PTP4A1: variants seen among roughly 807,000 people sequenced by gnomAD.
The protein encoded by PTP4A1 is protein tyrosine phosphatase type IVA 1.
Under a neutral mutation model 20.5 loss-of-function variants are expected in PTP4A1, and 9 were observed. The observed-to-expected ratio is 0.44, with a 90% CI of 0.26 to 0.77. The LOEUF (loss-of-function observed/expected upper bound fraction) is 0.77, where lower values mean the gene tolerates loss of function less well. Among genes scored for constraint, PTP4A1 ranks in the 30% least tolerant of loss-of-function variants. PTP4A1 has a pLI of 0.19. For synonymous variants in PTP4A1, 78 were observed against 67.4 expected (o/e 1.16, Z -0.77); for missense variants, 137 against 218.8 (o/e 0.63, Z 2.36).
At chr6:63,555,390 A>G (rs1776635498) in intron 3 of PTP4A1, among the ~76,000 whole-genome samples, 1 of 152,216 alleles carries the variant, frequency 6.6e-6, no homozygotes, top group African/African-American at 2.4e-5. Context: ...GACTAATAGG[A>G]AGGAAAATCC....
At chr6:63,568,790 ATAAACT>A (rs923662948), upstream of PTP4A1, among the ~76,000 whole-genome samples, 1 of 152,244 alleles carries the variant, frequency 6.6e-6, no homozygotes, top group African/African-American at 2.4e-5. Context: ...CAAGAGGGAA[ATAAACT>A]TTAACAATGC....
In PTP4A1 at chr6:63,576,814, A is replaced by G; in HGVS notation, c.-67A>G. The stretch of plus-strand genomic sequence containing the variant: ...TTGAAGTAGACTTCAGTTTCTTTGC[A>G]TCATTTCTGTATTCAATTTTTTTAA... On this transcript the variant is annotated 5_prime_UTR_variant, in exon 2 of 6. Coordinates refer to ENST00000626021, the MANE Select transcript of PTP4A1 (RefSeq NM_003463.5). 3 of 1,311,710 alleles carry G rather than the reference A, an allele frequency of 2.3e-6. No homozygotes were observed. Among genetic ancestry groups the G allele is most frequent in the African/African-American group, 1.5e-5 (1 of 67,262 alleles). The allele number at this position is 1,311,710 out of a possible 1,614,324, so 81.3% of individuals were successfully genotyped here.
intron 1 of PTP4A1, among the ~76,000 whole-genome samples, chr6:63,524,417 T>A (rs1775073184): frequency 6.6e-6 from 1 of 152,190 alleles, no homozygotes; most frequent in African/African-American, 2.4e-5. Context: ...GCAGATGAAT[T>A]TCTTCTAAGA....
chr6:63,550,383 C>T (rs1776383927), exon 3 of PTP4A1: 2 of 152,148 alleles, frequency 1.3e-5, no homozygotes, highest in Middle Eastern at 3.4e-3. Flanking sequence ...GAGGGTGAAG[C>T]TACAAAGGTT....
Position 63,580,465 on chromosome 6 carries a change from A to T in PTP4A1, c.*291A>T, listed in dbSNP as rs1778157244. The stretch of plus-strand genomic sequence containing the variant: ...ATGCAGTATTGAGTTATGACTTGTT[A>T]AATCTATTCCCATGCCAGAATCTTA... On this transcript the variant is annotated 3_prime_UTR_variant, in exon 6 of 6. Transcript: ENST00000626021. 1.1e-5 allele frequency: 3 copies of T among 265,212 alleles called. No homozygotes were observed. Among genetic ancestry groups the T allele is most frequent in the Non-Finnish European group, 2.2e-5 (3 of 136,906 alleles). 16.4% of individuals were successfully genotyped at this position (265,212 alleles called of 1,614,324 possible). A position where few individuals can be genotyped will look rare whatever the true frequency, so the allele number is the denominator to read the frequency against.
intron 2 of PTP4A1, among the ~76,000 whole-genome samples, chr6:63,577,722 A>C (rs1201455605): frequency 6.6e-6 from 1 of 151,968 alleles, no homozygotes; most frequent in Non-Finnish European, 1.5e-5. Flanking sequence ...TTGCCCAGCT[A>C]ATTTTTGTAT....
At position 63,572,962 on chromosome 6, in the gene PTP4A1, G is replaced by C. The variant is rs372582321; in HGVS notation, c.-446+243G>C. 7.2e-5 allele frequency among the ~76,000 whole-genome samples: 11 copies of C among 152,226 alleles called. No individual in the cohort carries two copies. The East Asian group carries it at 1.6e-3, about 22-fold the overall frequency. On this transcript the variant is annotated intron_variant, in intron 1 of 5. Coordinates refer to ENST00000626021, the MANE Select transcript of PTP4A1 (RefSeq NM_003463.5). Reference sequence around the variant, plus strand: ...GTGGCGGTTGGCCGCCGGAGGCACCGGCTTTTGAGTCCCTCCCGAGCCCGG... The same window carrying C: ...GTGGCGGTTGGCCGCCGGAGGCACCCGCTTTTGAGTCCCTCCCGAGCCCGG...
At chr6:63,525,214 T>A (rs1378216333) in intron 1 of PTP4A1, among the ~76,000 whole-genome samples, 2 of 152,162 alleles carry the variant, frequency 1.3e-5, no homozygotes, top group African/African-American at 4.8e-5. Context: ...TCCTGGTGAA[T>A]TGTGTGTCTG....
chr6:63,554,810 G>A (rs1406335850), intron 3 of PTP4A1, among the ~76,000 whole-genome samples: 1 of 152,040 alleles, frequency 6.6e-6, no homozygotes, highest in Non-Finnish European at 1.5e-5. Context: ...AATTTATCAA[G>A]CTGTATTGTC....
At chr6:63,542,023 G>GTGTT (rs1776000241) in intron 2 of PTP4A1, among the ~76,000 whole-genome samples, 1 of 414 alleles carries the variant, frequency 2.4e-3, no homozygotes, top group South Asian at 0.028. Flanking sequence ...AGAAACTGTG[G>GTGTT]TGTGTGTGTG....
Position 63,572,826 on chromosome 6 carries a change from G to C in PTP4A1, c.-446+107G>C, listed in dbSNP as rs1044353525. 76 of 395,936 alleles carry C rather than the reference G, an allele frequency of 1.9e-4. 1 individual carries two copies. The East Asian group carries it at 2.6e-3, about 14-fold the overall frequency. 24.5% of individuals were successfully genotyped at this position (395,936 alleles called of 1,614,324 possible). A position where few individuals can be genotyped will look rare whatever the true frequency, so the allele number is the denominator to read the frequency against. On this transcript the variant is annotated intron_variant, in intron 1 of 5. Transcript: ENST00000626021. ...CCCGGCGTCTCCTCCAGGTTGCCCC[G>C]GGTTGCGGTTCCGGTGGGTCCCGGG... is the stretch of plus-strand genomic sequence containing the variant.
chr6:63,580,332 C>T lies in PTP4A1; in HGVS notation c.*158C>T, dbSNP rs73449618. The T allele has an allele frequency of 3.1e-3, 1,964 of 624,374 alleles. 36 individuals carry two copies. In the African/African-American group the frequency reaches 0.032, roughly 10 times the overall value. 38.7% of individuals were successfully genotyped at this position (624,374 alleles called of 1,614,324 possible). A position where few individuals can be genotyped will look rare whatever the true frequency, so the allele number is the denominator to read the frequency against. Reference sequence around the variant, plus strand: ...CCTCAAGCTAGACAGATTTGGCAACCTCTGTATTTGGGTTACAGTCAACCT... The same window carrying T: ...CCTCAAGCTAGACAGATTTGGCAACTTCTGTATTTGGGTTACAGTCAACCT... On this transcript the variant is annotated 3_prime_UTR_variant, in exon 6 of 6. Coordinates refer to ENST00000626021, the MANE Select transcript of PTP4A1 (RefSeq NM_003463.5).
At chr6:63,578,629 C>T in intron 3 of PTP4A1, 100 bp downstream of exon 3, 1 of 1,413,234 alleles carries the variant, frequency 7.1e-7, no homozygotes, top group Non-Finnish European at 9.4e-7. Context: ...ATAAATAGAC[C>T]TCAAAAAGCT....
intron 2 of PTP4A1, among the ~76,000 whole-genome samples, chr6:63,537,514 G>T (rs186622572): frequency 1.3e-5 from 2 of 152,314 alleles, no homozygotes; most frequent in East Asian, 3.9e-4. Flanking sequence ...GAGAACCATT[G>T]CCTTAGAGCG....
rs138071267 is a variant in PTP4A1 at position 63,554,523 on chromosome 6, C to A, written c.-446+4030C>A. On this transcript the variant is annotated intron_variant, in intron 3 of 3. Transcript: ENST00000639568. ...CACCTATTACATAATTTAGGCCGGG[C>A]ACGGTGGCTCACACCTGTAATCCCA... 3.4e-4 allele frequency among the ~76,000 whole-genome samples: 52 copies of A among 152,258 alleles called. No individual in the cohort carries two copies. The East Asian group carries it at 0.01, about 29-fold the overall frequency.
intron 2 of PTP4A1, among the ~76,000 whole-genome samples, chr6:63,541,379 C>G (rs1562117354): frequency 6.6e-6 from 1 of 151,770 alleles, no homozygotes; most frequent in Non-Finnish European, 1.5e-5. Flanking sequence ...ATAGTGAAAC[C>G]CCTCTCTACT....
At chr6:63,538,565 T>C (rs930944608) in intron 2 of PTP4A1, among the ~76,000 whole-genome samples, 12 of 152,318 alleles carry the variant, frequency 7.9e-5, no homozygotes, top group African/African-American at 2.9e-4. Flanking sequence ...ATTTTGAAAC[T>C]TGGTCCAAGC....
chr6:63,534,735 G>T (rs1562114736), intron 2 of PTP4A1, among the ~76,000 whole-genome samples: 1 of 126,794 alleles, frequency 7.9e-6, no homozygotes, highest in Non-Finnish European at 1.7e-5. Flanking sequence ...ATCACCTGAG[G>T]TCAGGAGTTC....
intron 1 of PTP4A1, among the ~76,000 whole-genome samples, chr6:63,575,080 C>T (rs1777764151): frequency 6.6e-6 from 1 of 152,162 alleles, no homozygotes; most frequent in Non-Finnish European, 1.5e-5. Context: ...CAGTAATCAT[C>T]ATAAGAATTA....
Sources: allele counts gnomAD v4.1 joint callset (sites outside exome capture counted in the v4.1 genomes callset), GRCh38; gene constraint gnomAD v4.1.1; transcripts MANE v1.5; gene names NCBI Gene and HGNC (gene_info 2026-07-23, HGNC 2026-07-21).